SPECC1L: variants seen among roughly 807,000 people sequenced by gnomAD.
SPECC1L encodes cytospin-A.
Under a neutral mutation model 116.8 loss-of-function variants are expected in SPECC1L, and 40 were observed. The ratio of observed to expected loss-of-function variants is 0.34; its 90% CI spans 0.27 to 0.45. The LOEUF is 0.45. SPECC1L is among the 20% of genes least tolerant of loss of function. The pLI, the probability that SPECC1L is intolerant of heterozygous loss-of-function variation, is 1.00. For missense variants in SPECC1L, 1,110 were observed against 1,373.6 expected, an observed-to-expected ratio of 0.81 and a Z score of 3.03; for synonymous variants, 504 against 500.6, an observed-to-expected ratio of 1.01 and a Z score of -0.09.
At chr22:24,317,685 C>G (rs1308040795) in intron 4 of SPECC1L, among the ~76,000 whole-genome samples, 1 of 151,998 alleles carries the variant, frequency 6.6e-6, no homozygotes, top group Non-Finnish European at 1.5e-5. Flanking sequence ...CCCTCCTGGA[C>G]GGGGTGGCTG....
chr22:24,282,412 C>G (rs759185769), intron 2 of SPECC1L, among the ~76,000 whole-genome samples: 1 of 152,170 alleles, frequency 6.6e-6, no homozygotes, highest in Non-Finnish European at 1.5e-5. Flanking sequence ...TCAGTCTACA[C>G]CCAGGAATGA....
intron 14 of SPECC1L, among the ~76,000 whole-genome samples, chr22:24,397,784 G>A (rs2042396161): frequency 6.6e-6 from 1 of 152,046 alleles, no homozygotes; most frequent in Non-Finnish European, 1.5e-5. Context: ...TAGAAGTGAA[G>A]CCTGTTTTTT....
intron 2 of SPECC1L, among the ~76,000 whole-genome samples, chr22:24,284,408 T>G (rs558748032): frequency 1.7e-4 from 26 of 152,118 alleles, no homozygotes; most frequent in Non-Finnish European, 3.5e-4. Flanking sequence ...TTTTGTAATT[T>G]AATTAATAGA....
intron 11 of SPECC1L, among the ~76,000 whole-genome samples, chr22:24,362,336 G>A (rs919486867): frequency 3.3e-5 from 5 of 152,182 alleles, no homozygotes; most frequent in Admixed American, 1.3e-4. Context: ...AGGGAATAGA[G>A]GAGGAGGTGA....
chr22:24,317,698 C>G (rs1304775382), intron 4 of SPECC1L, among the ~76,000 whole-genome samples: 1,613 of 46,288 alleles, frequency 0.035, no homozygotes, highest in East Asian at 0.053. Flanking sequence ...GGTGGCTGCC[C>G]GGCAGAGATG....
intron 11 of SPECC1L, among the ~76,000 whole-genome samples, chr22:24,355,493 A>G (rs2041514613): frequency 6.6e-6 from 1 of 151,668 alleles, no homozygotes; most frequent in East Asian, 1.9e-4. Flanking sequence ...CTATCTAACT[A>G]TCTTATTTGT....
chr22:24,360,148 A>G (rs1012687755), intron 11 of SPECC1L, among the ~76,000 whole-genome samples: 5 of 152,250 alleles, frequency 3.3e-5, no homozygotes, highest in Admixed American at 2.0e-4. Flanking sequence ...TGTAAACATA[A>G]TATCTCCTGC....
intron 8 of SPECC1L, among the ~76,000 whole-genome samples, chr22:24,332,401 G>A (rs548602792): frequency 6.6e-5 from 10 of 152,278 alleles, no homozygotes; most frequent in African/African-American, 2.2e-4. Context: ...AAACAAGATT[G>A]ACCAGTGGAT....
chr22:24,344,333 GA>G (rs144461073), intron 10 of SPECC1L, among the ~76,000 whole-genome samples: 2 of 147,130 alleles, frequency 1.4e-5, no homozygotes, highest in African/African-American at 5.1e-5. Context: ...ATAAAAGAGG[GA>G]AAAAAAATTA....
chr22:24,365,755 T>A, intron 13 of SPECC1L, 123 bp downstream of exon 13: 1 of 1,114,784 alleles, frequency 9.0e-7, no homozygotes, highest in Middle Eastern at 2.3e-4. Context: ...GTGTGTTGTT[T>A]GCGAATCTTT....
At chr22:24,352,854 A>T (rs1342633312) in intron 11 of SPECC1L, among the ~76,000 whole-genome samples, 3 of 152,202 alleles carry the variant, frequency 2.0e-5, no homozygotes, top group Non-Finnish European at 2.9e-5. Context: ...CCAACATATT[A>T]TAATGAAAAT....
chr22:24,361,576 C>T (rs1421157168), intron 11 of SPECC1L, among the ~76,000 whole-genome samples: 11 of 151,964 alleles, frequency 7.2e-5, no homozygotes, highest in Non-Finnish European at 1.6e-4. Flanking sequence ...CGCTTGAACC[C>T]AGGAGGCTCA....
intron 2 of SPECC1L, among the ~76,000 whole-genome samples, chr22:24,301,484 C>T (rs1338268128): frequency 6.6e-6 from 1 of 152,072 alleles, no homozygotes; most frequent in African/African-American, 2.4e-5. Context: ...CCTAACCTAC[C>T]TTAAACATGG....
chr22:24,281,512 C>T (rs1466174652), intron 2 of SPECC1L, among the ~76,000 whole-genome samples: 1 of 152,176 alleles, frequency 6.6e-6, no homozygotes, highest in African/African-American at 2.4e-5. Context: ...TTTCAGTGTA[C>T]AAATCTTTCC....
chr22:24,292,573 G>A (rs1258917672), intron 2 of SPECC1L, among the ~76,000 whole-genome samples: 1 of 152,124 alleles, frequency 6.6e-6, no homozygotes, highest in East Asian at 1.9e-4. Context: ...CAACTTGGAT[G>A]GCAGAACTGG....
chr22:24,368,068 G>T (rs1168268253), intron 13 of SPECC1L, among the ~76,000 whole-genome samples: 1 of 152,194 alleles, frequency 6.6e-6, no homozygotes, highest in East Asian at 1.9e-4. Context: ...TTCACCAGGG[G>T]TGATTGCAAA....
intron 2 of SPECC1L, among the ~76,000 whole-genome samples, chr22:24,289,183 A>G (rs969153712): frequency 6.6e-6 from 1 of 152,236 alleles, no homozygotes; most frequent in Non-Finnish European, 1.5e-5. Flanking sequence ...TTTTGTAAAT[A>G]TTCAGAAACT....
intron 2 of SPECC1L, among the ~76,000 whole-genome samples, chr22:24,287,407 C>T (rs565936200): frequency 2.0e-4 from 30 of 152,046 alleles, no homozygotes; most frequent in African/African-American, 7.0e-4. Flanking sequence ...CAGGGGAGGG[C>T]GACAGGAGGC....
chr22:24,349,826 C>T (rs1262080879), intron 11 of SPECC1L, among the ~76,000 whole-genome samples: 1 of 152,208 alleles, frequency 6.6e-6, no homozygotes, highest in East Asian at 1.9e-4. Flanking sequence ...CATCATCTCT[C>T]AGCTGGGTTC....
Sources: allele counts gnomAD v4.1 joint callset (sites outside exome capture counted in the v4.1 genomes callset), GRCh38; gene constraint gnomAD v4.1.1; transcripts MANE v1.5; gene names NCBI Gene and HGNC (gene_info 2026-07-23, HGNC 2026-07-21).